The following UBQLN1 variants were observed in gnomAD, a reference collection of about 807,000 sequenced individuals.
UBQLN1 encodes the protein ubiquilin 1.
In UBQLN1, 13 loss-of-function variants were observed where a neutral mutation model predicts 65.4. That is an observed-to-expected ratio of 0.20 (90% CI 0.13 to 0.32). The LOEUF is 0.32. Ranked by LOEUF, UBQLN1 falls within the 10% of genes least tolerant of loss-of-function variation. The pLI is 1.00. For missense variants in UBQLN1, 561 were observed against 724.0 expected (o/e 0.77, Z 2.58); for synonymous variants, 267 against 247.8 (o/e 1.08, Z -0.73).
chr9:83,669,751 C>A (rs1480682658), intron 6 of UBQLN1, among the ~76,000 whole-genome samples: 2 of 152,216 alleles, frequency 1.3e-5, no homozygotes, highest in Non-Finnish European at 2.9e-5. Flanking sequence ...AGTAAGCCTT[C>A]ATGCCCAAGG....
chr9:83,707,382 G>C, intron 1 of UBQLN1, 118 bp downstream of exon 1: 1 of 1,144,904 alleles, frequency 8.7e-7, no homozygotes, highest in South Asian at 1.6e-5. Flanking sequence ...TTGGGACGAC[G>C]CCCGGGAGAA....
At chr9:83,682,549 T>C (rs148717761) in intron 3 of UBQLN1, among the ~76,000 whole-genome samples, 1,781 of 152,258 alleles carry the variant, frequency 0.012, 28 homozygotes, top group African/African-American at 0.041. Context: ...TAGGCGAGGC[T>C]GGCTTCCCAG....
rs1434805978 is a variant in UBQLN1 at position 83,661,513 on chromosome 9, A to T, written c.*274T>A. ...AATAAACTGGACAGATGCAGGACAA[A>T]ATCTGGTCACCCAACTATAAAAGGT... On this transcript the variant is annotated 3_prime_UTR_variant, in exon 11 of 11. Coordinates refer to ENST00000376395, the MANE Select transcript of UBQLN1 (RefSeq NM_013438.5). 2.4e-5 allele frequency: 7 copies of T among 291,050 alleles called. No homozygotes were observed. Among genetic ancestry groups the T allele is most frequent in the Non-Finnish European group, 3.8e-5 (6 of 157,334 alleles). 18.0% of individuals were successfully genotyped at this position (291,050 alleles called of 1,614,324 possible).
chr9:83,692,860 A>G (rs553193429), intron 1 of UBQLN1, among the ~76,000 whole-genome samples: 1 of 152,338 alleles, frequency 6.6e-6, no homozygotes, highest in Admixed American at 6.5e-5. Flanking sequence ...TTTAAAAATA[A>G]TAATAACAAC....
intron 1 of UBQLN1, among the ~76,000 whole-genome samples, chr9:83,693,805 C>T (rs1252638814): frequency 6.6e-6 from 1 of 151,938 alleles, no homozygotes; most frequent in Non-Finnish European, 1.5e-5. Context: ...ACATGTAGGC[C>T]TGAATTCAAA....
intron 10 of UBQLN1, among the ~76,000 whole-genome samples, chr9:83,662,454 T>C (rs1348407082): frequency 6.6e-6 from 1 of 152,138 alleles, no homozygotes; most frequent in Non-Finnish European, 1.5e-5. Flanking sequence ...GGACAGTCAA[T>C]TCTTAGAAAA....
At chr9:83,686,647 A>C (rs893121755) in intron 1 of UBQLN1, among the ~76,000 whole-genome samples, 1 of 152,150 alleles carries the variant, frequency 6.6e-6, no homozygotes, top group Non-Finnish European at 1.5e-5. Context: ...CCACGTCCAA[A>C]ATAATCCATT....
In UBQLN1 at chr9:83,707,864, G is replaced by C. The variant is rs1587670001; in HGVS notation, c.-185C>G. 1.2e-6 allele frequency: 1 copy of C among 860,406 alleles called. No individual in the cohort carries two copies. Among genetic ancestry groups the C allele is most frequent in the Non-Finnish European group, 1.7e-6 (1 of 604,880 alleles). 53.3% of individuals were successfully genotyped at this position (860,406 alleles called of 1,614,324 possible). Reference sequence around the variant, plus strand: ...GGCCCCGGAGCTCGGTGCAGGCTCTGGCGCAGGCCCGGGTCAGGCGCTCGG... The same window carrying C: ...GGCCCCGGAGCTCGGTGCAGGCTCTCGCGCAGGCCCGGGTCAGGCGCTCGG... On this transcript the variant is annotated 5_prime_UTR_variant, in exon 1 of 11. Transcript: ENST00000376395.
At chr9:83,698,631 G>A (rs2131185507) in intron 1 of UBQLN1, among the ~76,000 whole-genome samples, 1 of 152,278 alleles carries the variant, frequency 6.6e-6, no homozygotes, top group East Asian at 1.9e-4. Context: ...AGTAAATTCT[G>A]GCTGGGTGCG....
intron 1 of UBQLN1, among the ~76,000 whole-genome samples, chr9:83,706,287 T>C (rs948774645): frequency 3.9e-5 from 6 of 152,238 alleles, no homozygotes; most frequent in African/African-American, 1.4e-4. Context: ...ATGCTAATTG[T>C]AGATGATGGA....
intron 7 of UBQLN1, chr9:83,667,556 T>C (rs1831661737): frequency 1.0e-6 from 1 of 985,320 alleles, no homozygotes; most frequent in South Asian, 4.7e-5. Context: ...AAGTTCACAG[T>C]AAGTAAACTC....
chr9:83,660,391 G>C lies in UBQLN1; in HGVS notation c.*1396C>G, dbSNP rs2131135926. 6.5e-6 allele frequency: 1 copy of C among 152,702 alleles called. No homozygotes were observed. Among genetic ancestry groups the C allele is most frequent in the East Asian group, 1.9e-4 (1 of 5,192 alleles). The allele number at this position is 152,702 out of a possible 1,614,324, so 9.5% of individuals were successfully genotyped here. A position where few individuals can be genotyped will look rare whatever the true frequency, so the allele number is the denominator to read the frequency against. On this transcript the variant is annotated 3_prime_UTR_variant, in exon 11 of 11. Coordinates refer to ENST00000376395, the MANE Select transcript of UBQLN1 (RefSeq NM_013438.5). Reference sequence around the variant, plus strand: ...CTAAGAGAATACTGAACCAGAGTCAGCCAAATGTATCACTGACCCTCAATT... The same window carrying C: ...CTAAGAGAATACTGAACCAGAGTCACCCAAATGTATCACTGACCCTCAATT...
intron 4 of UBQLN1, 64 bp downstream of exon 4, chr9:83,679,711 C>A: frequency 6.5e-7 from 1 of 1,542,836 alleles, no homozygotes. Context: ...TCATTAACCA[C>A]AGAAAATTAA....
chr9:83,697,503 G>C (rs111266506), intron 1 of UBQLN1, among the ~76,000 whole-genome samples: 1,749 of 121,470 alleles, frequency 0.014, 36 homozygotes, highest in African/African-American at 0.048. Flanking sequence ...AGTGAGCTGA[G>C]ATTGCACCAC....
intron 4 of UBQLN1, among the ~76,000 whole-genome samples, chr9:83,678,875 G>A (rs1338605646): frequency 2.0e-5 from 3 of 151,986 alleles, no homozygotes; most frequent in Non-Finnish European, 2.9e-5. Flanking sequence ...CCGCCACCAC[G>A]CCCCGCTAAT....
intron 2 of UBQLN1, among the ~76,000 whole-genome samples, chr9:83,684,863 CAGATAAG>C (rs36087147): frequency 0.35 from 52,102 of 150,182 alleles, 9,410 homozygotes; most frequent in Middle Eastern, 0.49. Context: ...CAGATGATAC[CAGATAAG>C]AGTTTTGAAT....
At chr9:83,700,260 G>C (rs954887505) in intron 1 of UBQLN1, among the ~76,000 whole-genome samples, 15 of 152,182 alleles carry the variant, frequency 9.9e-5, no homozygotes, top group African/African-American at 2.7e-4. Context: ...TCATGAAGCA[G>C]TCAAGAGTTG....
intron 4 of UBQLN1, among the ~76,000 whole-genome samples, chr9:83,678,866 C>T (rs1376063699): frequency 5.3e-5 from 8 of 152,232 alleles, no homozygotes; most frequent in South Asian, 4.2e-4. Context: ...TACAGGCGCC[C>T]GCCACCACGC....
chr9:83,667,141 T>A (rs1395704514), intron 7 of UBQLN1: 1 of 152,190 alleles, frequency 6.6e-6, no homozygotes, highest in Non-Finnish European at 1.5e-5. Context: ...ATGAGAAAAG[T>A]GGCATCTCCT....
Sources: gnomAD v4.1 joint callset for allele counts (sites outside exome capture counted in the v4.1 genomes callset) on GRCh38, gnomAD v4.1.1 for gene constraint, MANE v1.5 for transcripts, NCBI Gene and HGNC (gene_info 2026-07-23, HGNC 2026-07-21) for gene names.